Variants in CTNNA1 observed in about 807,000 individuals in gnomAD.
CTNNA1 encodes catenin alpha-1.
Under a neutral mutation model 98.4 loss-of-function variants are expected in CTNNA1, and 37 were observed. The ratio of observed to expected loss-of-function variants is 0.38; its 90% CI spans 0.29 to 0.49. The LOEUF (loss-of-function observed/expected upper bound fraction) is 0.49, where lower values mean the gene tolerates loss of function less well. Ranked by LOEUF, CTNNA1 falls within the 20% of genes least tolerant of loss-of-function variation. The pLI is 0.95. For missense variants in CTNNA1, 761 were observed against 1,147.2 expected, an observed-to-expected ratio of 0.66 and a Z score of 4.86; for synonymous variants, 404 against 413.2, an observed-to-expected ratio of 0.98 and a Z score of 0.27.
At chr5:138,918,528 C>T (rs1261494647) in intron 11 of CTNNA1, among the ~76,000 whole-genome samples, 1 of 152,078 alleles carries the variant, frequency 6.6e-6, no homozygotes, top group Admixed American at 6.6e-5. Context: ...TAATTATGAA[C>T]TTGAAAAAAT....
chr5:138,926,670 A>AC (rs1166240608), intron 13 of CTNNA1, among the ~76,000 whole-genome samples: 1 of 147,746 alleles, frequency 6.8e-6, no homozygotes, highest in Non-Finnish European at 1.5e-5. Flanking sequence ...CAGCTTCTTC[A>AC]CCCCCTGCCT....
chr5:138,915,927 T>C (rs1761630092), intron 10 of CTNNA1, among the ~76,000 whole-genome samples: 1 of 152,124 alleles, frequency 6.6e-6, no homozygotes, highest in Non-Finnish European at 1.5e-5. Context: ...CACACACCTG[T>C]AATCCCAGCT....
intron 11 of CTNNA1, among the ~76,000 whole-genome samples, chr5:138,923,067 TGAGAA>T (rs1763252881): frequency 6.6e-6 from 1 of 152,208 alleles, no homozygotes. Context: ...ATCAATGATA[TGAGAA>T]AACACTGGTT....
chr5:138,919,393 A>AT (rs1395204721), intron 11 of CTNNA1, among the ~76,000 whole-genome samples: 2 of 152,104 alleles, frequency 1.3e-5, no homozygotes, highest in African/African-American at 2.4e-5. Context: ...GTCTCAAGGG[A>AT]TTTTCAGTCC....
chr5:138,819,347 T>C (rs1332723658), intron 5 of CTNNA1, among the ~76,000 whole-genome samples: 1 of 152,170 alleles, frequency 6.6e-6, no homozygotes, highest in Non-Finnish European at 1.5e-5. Flanking sequence ...TACTCTACTC[T>C]GCAAGGAGAG....
At chr5:138,770,965 AC>A (rs1580905495) in intron 1 of CTNNA1, among the ~76,000 whole-genome samples, 1 of 148,432 alleles carries the variant, frequency 6.7e-6, no homozygotes, top group East Asian at 2.0e-4. Flanking sequence ...AAAAAAAAAA[AC>A]ACAAAAACAA....
intron 10 of CTNNA1, among the ~76,000 whole-genome samples, chr5:138,911,843 T>G (rs1760700245): frequency 6.6e-6 from 1 of 152,192 alleles, no homozygotes; most frequent in African/African-American, 2.4e-5. Context: ...GGTTAGAGTC[T>G]GGATATATTT....
intron 7 of CTNNA1, chr5:138,875,576 T>C: frequency 1.0e-6 from 1 of 985,472 alleles, no homozygotes; most frequent in Non-Finnish European, 1.2e-6. Context: ...AAAGGCTGCA[T>C]TCAAGAAGAC....
At chr5:138,921,596 A>ATTTT (rs386405098) in intron 11 of CTNNA1, among the ~76,000 whole-genome samples, 2,003 of 103,966 alleles carry the variant, frequency 0.019, 151 homozygotes, top group African/African-American at 0.05. Flanking sequence ...ATTAGTGGTG[A>ATTTT]TTTTTTTTTT....
intron 7 of CTNNA1, among the ~76,000 whole-genome samples, chr5:138,864,875 C>T (rs555060132): frequency 7.2e-5 from 11 of 152,146 alleles, no homozygotes; most frequent in East Asian, 1.9e-4. Context: ...AGTGCAGTGG[C>T]GCGATCTCGG....
At chr5:138,765,897 C>T (rs1725351) in intron 1 of CTNNA1, among the ~76,000 whole-genome samples, 30,257 of 138,912 alleles carry the variant, frequency 0.22, 3,817 homozygotes, top group Middle Eastern at 0.31. Flanking sequence ...TGCAGTGAGC[C>T]AAGATCGCGC....
intron 7 of CTNNA1, among the ~76,000 whole-genome samples, chr5:138,868,081 C>G (rs1764972599): frequency 6.6e-6 from 1 of 152,100 alleles, no homozygotes; most frequent in Admixed American, 6.5e-5. Flanking sequence ...TTTCTTTTCT[C>G]CAGCTTATTT....
Position 138,874,386 on chromosome 5 carries a change from T to G in CTNNA1, c.1063-11826T>G, listed in dbSNP as rs745422199. ...GACAGGCCCAGAGAGCCCTTGTCTGTGGCGTTTGGCACTGAGTGGAAGCCC... is the reference window on the plus strand; with the variant it reads ...GACAGGCCCAGAGAGCCCTTGTCTGGGGCGTTTGGCACTGAGTGGAAGCCC... On this transcript the variant is annotated intron_variant, in intron 7 of 17. Transcript: ENST00000302763. This position sits in a 1 kb window ranked among gnomAD's most constrained non-coding sequence, Gnocchi z 4.1. 1 of 1,614,014 alleles carries G rather than the reference T, an allele frequency of 6.2e-7. No homozygotes were observed. Among genetic ancestry groups the G allele is most frequent in the East Asian group, 2.2e-5 (1 of 44,894 alleles).
intron 10 of CTNNA1, among the ~76,000 whole-genome samples, chr5:138,917,053 G>A (rs995859342): frequency 2.0e-5 from 3 of 152,216 alleles, no homozygotes; most frequent in African/African-American, 4.8e-5. Flanking sequence ...GATTACAGGC[G>A]TGAGCCACCA....
chr5:138,855,365 C>G (rs1318749947), intron 7 of CTNNA1, among the ~76,000 whole-genome samples: 1 of 148,938 alleles, frequency 6.7e-6, no homozygotes, highest in Non-Finnish European at 1.5e-5. Context: ...ACCAAACAAG[C>G]TAACCAGCCA....
intron 7 of CTNNA1, among the ~76,000 whole-genome samples, chr5:138,841,261 GTATT>G (rs1554087788): frequency 6.6e-6 from 1 of 151,968 alleles, no homozygotes; most frequent in Non-Finnish European, 1.5e-5. Context: ...ATGTATGTAT[GTATT>G]TATTTATTTT....
chr5:138,786,679 G>A (rs1359776376), intron 3 of CTNNA1, among the ~76,000 whole-genome samples: 1 of 152,166 alleles, frequency 6.6e-6, no homozygotes. Flanking sequence ...GTGCACTCAG[G>A]AGGTCCTGTG....
chr5:138,858,361 G>A (rs916834415), intron 7 of CTNNA1, among the ~76,000 whole-genome samples: 3 of 151,832 alleles, frequency 2.0e-5, no homozygotes, highest in Admixed American at 1.3e-4. Flanking sequence ...TCCTGGGCTC[G>A]AGTGATCCTC....
chr5:138,869,367 T>C (rs1274691358), intron 7 of CTNNA1: 1 of 146,802 alleles, frequency 6.8e-6, no homozygotes, highest in East Asian at 1.9e-4. Context: ...CCTTACTGTC[T>C]CTCTCTCTTT....
Sources: allele counts gnomAD v4.1 joint callset (sites outside exome capture counted in the v4.1 genomes callset), GRCh38; gene constraint gnomAD v4.1.1; non-coding constraint Gnocchi (gnomAD v3.1); transcripts MANE v1.5; gene names NCBI Gene and HGNC (gene_info 2026-07-23, HGNC 2026-07-21).